HECW2: variants seen among roughly 807,000 people sequenced by gnomAD.
HECW2 encodes HECT, C2 and WW domain containing E3 ubiquitin protein ligase 2.
Under a neutral mutation model 175.2 loss-of-function variants are expected in HECW2, and 61 were observed. The ratio of observed to expected loss-of-function variants is 0.35; its 90% confidence interval spans 0.28 to 0.43. The LOEUF (loss-of-function observed/expected upper bound fraction) is 0.43. Among genes scored for constraint, HECW2 ranks in the 20% least tolerant of loss-of-function variants. The pLI is 1.00. For missense variants in HECW2, 1,524 were observed against 2,000.5 expected (o/e 0.76, Z 4.54); for synonymous variants, 671 against 731.0 (o/e 0.92, Z 1.32).
At chr2:196,535,626 G>A (rs367668069) in intron 1 of HECW2, among the ~76,000 whole-genome samples, 21 of 152,192 alleles carry the variant, frequency 1.4e-4, no homozygotes, top group African/African-American at 3.6e-4. Flanking sequence ...TGGCACAGTC[G>A]ACCCTAAATG....
chr2:196,419,064 G>A (rs1463386797), intron 2 of HECW2, among the ~76,000 whole-genome samples: 1 of 152,194 alleles, frequency 6.6e-6, no homozygotes, highest in Non-Finnish European at 1.5e-5. Context: ...ATGCAGCACA[G>A]AGAGCTGGGT....
Position 196,198,518 on chromosome 2 carries a change from G to C in HECW2, c.*2759C>G, listed in dbSNP as rs1686758241. ...GCTGAGCTTTTCAAAGGCAGATTTA[G>C]ACTCTTGTAGCTCCATCGTCAAACA... On this transcript the variant is annotated 3_prime_UTR_variant, in exon 29 of 29. Transcript: ENST00000644978. 1 of 152,160 alleles carries C rather than the reference G, an allele frequency of 6.6e-6. No homozygotes were observed. The allele number at this position is 152,160 out of a possible 1,614,324, so 9.4% of individuals were successfully genotyped here. A position where few individuals can be genotyped will look rare whatever the true frequency, so the allele number is the denominator to read the frequency against.
intron 19 of HECW2, among the ~76,000 whole-genome samples, chr2:196,243,834 C>T (rs1688553280): frequency 2.0e-5 from 3 of 152,220 alleles, no homozygotes; most frequent in Admixed American, 2.0e-4. Context: ...CCACCTCGGC[C>T]TTCCAAAGTG....
intron 16 of HECW2, 76 bp from the exon 17 acceptor site, chr2:196,271,365 G>C: frequency 2.8e-6 from 3 of 1,058,490 alleles, no homozygotes; most frequent in Non-Finnish European, 4.2e-6. Flanking sequence ...ATCCAAACCT[G>C]TGTGCCCCAC....
chr2:196,404,475 C>T (rs770187227), intron 2 of HECW2, among the ~76,000 whole-genome samples: 5 of 152,172 alleles, frequency 3.3e-5, no homozygotes, highest in Non-Finnish European at 7.3e-5. Flanking sequence ...ACTGCCTCCC[C>T]TAGTCAAAGA....
At chr2:196,541,207 C>T (rs1219262076) in intron 1 of HECW2, among the ~76,000 whole-genome samples, 3 of 152,044 alleles carry the variant, frequency 2.0e-5, no homozygotes, top group Admixed American at 2.0e-4. Flanking sequence ...CAAAAGCCAA[C>T]TGTATTTGTT....
chr2:196,319,318 A>C lies in HECW2; in HGVS notation c.1572T>G (p.Ala524=). 1.2e-6 allele frequency: 2 copies of C among 1,613,926 alleles called. No individual in the cohort carries two copies. The highest frequency in any genetic ancestry group is 1.7e-6 in the Non-Finnish European group (2 of 1,179,928). Residue 524 remains alanine (A), a synonymous_variant, in exon 9 of 29, where the codon GCT becomes GCG. Transcript: ENST00000644978. ...ENEEASTHEA[A]SFEDKPENLP... ...GATTTTCTGGCTTATCCTCAAAGGA[A>C]GCAGCTTCGTGTGTGGAGGCTTCCT... is the stretch of plus-strand genomic sequence containing the variant.
chr2:196,557,314 G>T (rs1348418563), intron 1 of HECW2, among the ~76,000 whole-genome samples: 2 of 151,816 alleles, frequency 1.3e-5, no homozygotes, highest in Non-Finnish European at 2.9e-5. Context: ...AGAATTGCTT[G>T]AACCTGGGGG....
chr2:196,551,315 G>C (rs10192650), intron 1 of HECW2, among the ~76,000 whole-genome samples: 7,705 of 152,266 alleles, frequency 0.051, 646 homozygotes, highest in African/African-American at 0.18. Flanking sequence ...GCCAAGGACA[G>C]GGGCAGGAGA....
At chr2:196,248,423 C>G (rs1284672753) in intron 19 of HECW2, among the ~76,000 whole-genome samples, 4 of 152,054 alleles carry the variant, frequency 2.6e-5, no homozygotes, top group African/African-American at 4.8e-5. Flanking sequence ...CCCATCCCTA[C>G]CCACCCAGGG....
intron 23 of HECW2, among the ~76,000 whole-genome samples, chr2:196,225,231 TAATA>T (rs1394378914): frequency 6.6e-6 from 1 of 152,208 alleles, no homozygotes; most frequent in Non-Finnish European, 1.5e-5. Context: ...TCATTTTCCA[TAATA>T]AATTACTAAG....
intron 10 of HECW2, among the ~76,000 whole-genome samples, chr2:196,315,336 A>G (rs1691654846): frequency 1.3e-5 from 2 of 152,112 alleles, no homozygotes; most frequent in African/African-American, 2.4e-5. Flanking sequence ...CACACTGTTG[A>G]ATTTTGGGTG....
chr2:196,340,211 A>T (rs771660953), intron 3 of HECW2, among the ~76,000 whole-genome samples: 18 of 152,150 alleles, frequency 1.2e-4, no homozygotes, highest in South Asian at 4.2e-4. Flanking sequence ...TCACAATTTT[A>T]AAAAAAAGTT....
chr2:196,510,182 A>G (rs1444274353), intron 1 of HECW2, among the ~76,000 whole-genome samples: 1 of 152,128 alleles, frequency 6.6e-6, no homozygotes, highest in Non-Finnish European at 1.5e-5. Context: ...CCACCAGGCA[A>G]TATGGTTGCA....
At chr2:196,478,747 C>T (rs767753560) in intron 1 of HECW2, among the ~76,000 whole-genome samples, 1 of 152,060 alleles carries the variant, frequency 6.6e-6, no homozygotes, top group Non-Finnish European at 1.5e-5. Context: ...AGCTACCTTC[C>T]TCTCTATGTC....
At chr2:196,323,924 T>G (rs866812587) in intron 6 of HECW2, among the ~76,000 whole-genome samples, 3,692 of 147,796 alleles carry the variant, frequency 0.025, 148 homozygotes, top group African/African-American at 0.08. Flanking sequence ...TGTTTGTTTT[T>G]TTTTTTTTTT....
chr2:196,509,717 T>C (rs1477366292), intron 1 of HECW2, among the ~76,000 whole-genome samples: 1 of 152,212 alleles, frequency 6.6e-6, no homozygotes, highest in African/African-American at 2.4e-5. Flanking sequence ...ACTCAAAAGA[T>C]AGTACCACAT....
rs538819623 is a variant in HECW2, at chr2:196,484,907, C to T, written c.-35-51449G>A. Among the ~76,000 whole-genome samples the T allele has an allele frequency of 1.3e-5, 2 of 152,286 alleles. 1 individual carries two copies. Among genetic ancestry groups the T allele is most frequent in the South Asian group, 4.2e-4 (2 of 4,816 alleles). On this transcript the variant is annotated intron_variant, in intron 1 of 28. Transcript: ENST00000644978. Reference sequence around the variant, plus strand: ...AAGATTCAATGCGGTAAGCAACCCTCCGGCTGTACTTTGGGTAGGTAGCAA... The same window carrying T: ...AAGATTCAATGCGGTAAGCAACCCTTCGGCTGTACTTTGGGTAGGTAGCAA...
At chr2:196,312,565 C>T (rs1003892646) in intron 10 of HECW2, among the ~76,000 whole-genome samples, 6 of 152,096 alleles carry the variant, frequency 3.9e-5, no homozygotes, top group African/African-American at 4.8e-5. Flanking sequence ...GGAATCAGGA[C>T]GGTAGGTCCA....
Sources: allele counts gnomAD v4.1 joint callset (sites outside exome capture counted in the v4.1 genomes callset), GRCh38; gene constraint gnomAD v4.1.1; transcripts MANE v1.5; gene names NCBI Gene and HGNC (gene_info 2026-07-23, HGNC 2026-07-21).